Variants in ANKRD36C observed in about 807,000 individuals in gnomAD.
ANKRD36C encodes the protein ankyrin repeat domain 36C.
ANKRD36C carries 61 observed loss-of-function variants against 276.4 expected under a neutral mutation model. The observed-to-expected ratio is 0.22, with a 90% CI of 0.18 to 0.27. The LOEUF (loss-of-function observed/expected upper bound fraction) is 0.27. Among genes scored for constraint, ANKRD36C ranks in the 10% least tolerant of loss-of-function variants. The pLI is 1.00. For synonymous variants in ANKRD36C, 483 were observed against 680.1 expected, an observed-to-expected ratio of 0.71 and a Z score of 4.51; for missense variants, 1,447 against 2,032.3, an observed-to-expected ratio of 0.71 and a Z score of 5.54.
chr2:95,914,539 G>A (rs914257849), intron 38 of ANKRD36C, among the ~76,000 whole-genome samples: 5 of 151,278 alleles, frequency 3.3e-5, no homozygotes, highest in Non-Finnish European at 7.4e-5. Flanking sequence ...GTCATATGTC[G>A]AAAACTAAAA....
rs1676455404 is a variant in ANKRD36C at position 95,893,954 on chromosome 2, T to C, written c.2756-2094A>G. ...ATTTCAAACATGGTACGATTTCTCA[T>C]ATGTCAAAAACTAAAATAAAACCGT... On this transcript the variant is annotated intron_variant, in intron 44 of 66. Coordinates refer to ENST00000456556, the Ensembl canonical transcript of ANKRD36C. Among the ~76,000 whole-genome samples, 3 of 151,550 alleles carry C rather than the reference T, an allele frequency of 2.0e-5. No homozygotes were observed. In the South Asian group the frequency reaches 6.2e-4, roughly 31 times the overall value.
intron 32 of ANKRD36C, among the ~76,000 whole-genome samples, chr2:95,922,012 T>A (rs534448050): frequency 6.6e-6 from 1 of 151,716 alleles, no homozygotes; most frequent in African/African-American, 2.4e-5. Context: ...TTCCTAACTA[T>A]TTCAAACATA....
chr2:95,948,616 G>GA lies in ANKRD36C; in HGVS notation c.1296-21dup. The GA allele has an allele frequency of 1.3e-6, 2 of 1,529,972 alleles. No individual in the cohort carries two copies. Among genetic ancestry groups the GA allele is most frequent in the Non-Finnish European group, 1.7e-6 (2 of 1,143,820 alleles). The allele number at this position is 1,529,972 out of a possible 1,614,324, so 94.8% of individuals were successfully genotyped here. A position where few individuals can be genotyped will look rare whatever the true frequency, so the allele number is the denominator to read the frequency against. ...AGACACCTACAGAGCAAAAAGATAT[G>GA]AAAAAAATGAGCACGTTCATTTCTT... On this transcript the variant is annotated intron_variant, in intron 16 of 66. Transcript: ENST00000456556.
intron 44 of ANKRD36C, among the ~76,000 whole-genome samples, chr2:95,892,251 G>A (rs1676390726): frequency 6.6e-6 from 1 of 151,466 alleles, no homozygotes; most frequent in African/African-American, 2.4e-5. Flanking sequence ...CAAATCAAAA[G>A]GATTTACACC....
chr2:95,953,594 A>G (rs1352867873), intron 14 of ANKRD36C, among the ~76,000 whole-genome samples: 1 of 152,162 alleles, frequency 6.6e-6, no homozygotes, highest in Non-Finnish European at 1.5e-5. Flanking sequence ...TACTCATATG[A>G]TATACAACTC....
chr2:95,942,834 G>C (rs1263013936), intron 19 of ANKRD36C, among the ~76,000 whole-genome samples: 1 of 152,278 alleles, frequency 6.6e-6, no homozygotes, highest in African/African-American at 2.4e-5. Flanking sequence ...TTATGTGCAA[G>C]GTATAACAAC....
intron 58 of ANKRD36C, among the ~76,000 whole-genome samples, chr2:95,876,853 C>CAA (rs61043155): frequency 1.2e-3 from 103 of 82,970 alleles, no homozygotes; most frequent in East Asian, 3.4e-3. Context: ...GACTGTGTCT[C>CAA]AAAAAAAAAA....
At chr2:95,912,201 T>A in intron 42 of ANKRD36C, 43 bp downstream of exon 44, 1 of 1,541,342 alleles carries the variant, frequency 6.5e-7, no homozygotes, top group Non-Finnish European at 8.7e-7. Flanking sequence ...GAGAACTTCT[T>A]ATCTGGACTG....
intron 6 of ANKRD36C, among the ~76,000 whole-genome samples, chr2:95,975,102 C>T (rs556632201): frequency 2.6e-5 from 4 of 151,940 alleles, no homozygotes; most frequent in Non-Finnish European, 5.9e-5. Context: ...TGAATAGCTA[C>T]AAACCACTGC....
intron 14 of ANKRD36C, among the ~76,000 whole-genome samples, 181 bp from the exon 15 acceptor site, chr2:95,951,589 T>C (rs944423206): frequency 1.3e-5 from 2 of 152,266 alleles, no homozygotes; most frequent in African/African-American, 4.8e-5. Flanking sequence ...ATGGTTATGA[T>C]TGGTGATACA....
intron 42 of ANKRD36C, among the ~76,000 whole-genome samples, 182 bp from the exon 53 acceptor site, chr2:95,903,263 G>C (rs1676710922): frequency 6.6e-6 from 1 of 150,482 alleles, no homozygotes; most frequent in African/African-American, 2.4e-5. Context: ...GGGAATACAG[G>C]CTCCACGAAA....
intron 28 of ANKRD36C, 111 bp from the exon 29 acceptor site, chr2:95,925,658 G>A: frequency 1.7e-6 from 2 of 1,190,368 alleles, no homozygotes; most frequent in Non-Finnish European, 2.3e-6. Flanking sequence ...ACTAGTGTAG[G>A]ATTTGATGTT....
chr2:95,917,968 A>G lies in ANKRD36C; in HGVS notation c.2275-41T>C. Reference sequence around the variant, plus strand: ...AAGAAAATAATAAATAAATAAATCAATGAAGTATGTGTCATAGAATACAAT... The same window carrying G: ...AAGAAAATAATAAATAAATAAATCAGTGAAGTATGTGTCATAGAATACAAT... On this transcript the variant is annotated intron_variant, in intron 35 of 66. Coordinates refer to ENST00000456556, the Ensembl canonical transcript of ANKRD36C. The G allele has an allele frequency of 4.4e-6, 7 of 1,598,826 alleles. No individual in the cohort carries two copies. In the East Asian group the frequency reaches 1.4e-4, roughly 32 times the overall value.
At chr2:95,963,944 AATATATATATATAAATATAT>A (rs1230379507) in intron 6 of ANKRD36C, among the ~76,000 whole-genome samples, 1 of 82,716 alleles carries the variant, frequency 1.2e-5, no homozygotes, top group African/African-American at 4.2e-5. Context: ...TACATATATA[AATATATATATATAAATATAT>A]ATATATAAAT....
chr2:95,870,057 C>T (rs1197099815), intron 59 of ANKRD36C, among the ~76,000 whole-genome samples: 1 of 152,240 alleles, frequency 6.6e-6, no homozygotes, highest in Non-Finnish European at 1.5e-5. Context: ...GGCCTGCCTG[C>T]CTCTGTAGGC....
chr2:95,866,039 G>A (rs1675677226), intron 60 of ANKRD36C, among the ~76,000 whole-genome samples: 1 of 152,108 alleles, frequency 6.6e-6, no homozygotes, highest in African/African-American at 2.4e-5. Flanking sequence ...AGTGGAGAAA[G>A]GATAGCCTTT....
At chr2:95,945,353 G>T (rs1281588119) in intron 17 of ANKRD36C, among the ~76,000 whole-genome samples, 179 bp from the exon 18 acceptor site, 2 of 152,136 alleles carry the variant, frequency 1.3e-5, no homozygotes. Flanking sequence ...TGATGATTAT[G>T]ATTGGTGATA....
intron 6 of ANKRD36C, among the ~76,000 whole-genome samples, chr2:95,966,447 C>T (rs1678593218): frequency 6.6e-6 from 1 of 151,972 alleles, no homozygotes; most frequent in South Asian, 2.1e-4. Context: ...TTCCTTTTGT[C>T]AGGTTTGTCA....
Position 95,902,008 on chromosome 2 carries a change from A to G in ANKRD36C, c.2654-2672T>C, listed in dbSNP as rs1424003226. 6.2e-3 allele frequency among the ~76,000 whole-genome samples: 904 copies of G among 146,482 alleles called. 16 individuals carry two copies. The highest frequency in any genetic ancestry group is 0.011 in the Non-Finnish European group (709 of 65,504). On this transcript the variant is annotated intron_variant, in intron 42 of 66. Transcript: ENST00000456556. ...ATCACTGCAATATTCATTGAAAATG[A>G]CCATTTTAGGAGTTAGTTAGAATTC...
Sources: allele counts gnomAD v4.1 joint callset (sites outside exome capture counted in the v4.1 genomes callset), GRCh38; gene constraint gnomAD v4.1.1; transcripts MANE v1.5; gene names NCBI Gene and HGNC (gene_info 2026-07-23, HGNC 2026-07-21).